Variants in RP1L1 observed in about 807,000 individuals in gnomAD.
The protein encoded by RP1L1 is retinitis pigmentosa 1-like 1 protein.
A neutral mutation model predicts 15.7 loss-of-function variants in RP1L1; 27 were observed. The ratio of observed to expected loss-of-function variants is 1.72; its 90% CI spans 1.27 to 2.38. RP1L1 has a LOEUF of 2.38. Ranked by LOEUF, RP1L1 falls within the 30% of genes most tolerant of loss-of-function variation. The probability of loss-of-function intolerance (pLI) is 0.00; values close to 1 mark genes in which losing one functional copy is unlikely to be tolerated. For missense variants in RP1L1, 4,798 were observed against 3,075.9 expected, an observed-to-expected ratio of 1.56 and a Z score of -13.24; for synonymous variants, 1,813 against 1,276.7, an observed-to-expected ratio of 1.42 and a Z score of -8.96.
chr8:10,623,043 A>G lies in RP1L1; in HGVS notation c.159T>C (p.Val53=), dbSNP rs372259414. 2.7e-5 allele frequency: 43 copies of G among 1,614,128 alleles called. No homozygotes were observed. The African/African-American group carries it at 4.3e-4, about 16-fold the overall frequency. Residue 53 remains valine (V), a synonymous_variant, in exon 2 of 4, where the codon GTT becomes GTC. Coordinates refer to ENST00000382483, the MANE Select transcript of RP1L1 (RefSeq NM_178857.6). The part of the protein sequence containing the change: ...DPRFAGVRLA[V]HQRAFKTFSA... ...TGAAGGTCTTAAAGGCGCGCTGGTG[A>G]ACGGCCAGGCGGACCCCAGCAAACC...
In RP1L1 at chr8:10,610,296, C is replaced by T. The variant is rs368855563; in HGVS notation, c.3802G>A (p.Ala1268Thr). ...GCTTCATCCTCATTGGTGGCACAAG[C>T]GCAGGCTCGGGCGTTCAAGAAGGTT... ...FPTFLNARAC[A>T]CATNEDEAER... The change falls in exon 4 of 4, where the codon GCT (alanine) becomes ACT (threonine). Residue 1268 changes from alanine to threonine, a missense_variant. Coordinates refer to ENST00000382483, the MANE Select transcript of RP1L1 (RefSeq NM_178857.6). The T allele has an allele frequency of 1.2e-5, 19 of 1,614,198 alleles. No individual in the cohort carries two copies. In the East Asian group the frequency reaches 1.8e-4, roughly 15 times the overall value.
At chr8:10,626,794 A>G (rs575427481) in intron 1 of RP1L1, among the ~76,000 whole-genome samples, 3 of 152,334 alleles carry the variant, frequency 2.0e-5, no homozygotes, top group African/African-American at 7.2e-5. Context: ...AATTGCTCAC[A>G]TTTCCACGAG....
At chr8:10,645,332 C>A (rs1798461164) in intron 1 of RP1L1, among the ~76,000 whole-genome samples, 2 of 152,164 alleles carry the variant, frequency 1.3e-5, no homozygotes, top group South Asian at 2.1e-4. Context: ...GTAACAAAAA[C>A]AAACAAATGA....
chr8:10,607,857 C>G lies in RP1L1; in HGVS notation c.6241G>C (p.Glu2081Gln). ...VQEAEGEAHP[E>Q]SEDVDAQEAE... Reference sequence around the variant, plus strand: ...TCCTGGGCATCTACATCTTCTGACTCTGGGTGGGCCTCCCCTTCTGCCTCC... The same window carrying G: ...TCCTGGGCATCTACATCTTCTGACTGTGGGTGGGCCTCCCCTTCTGCCTCC... The change falls in exon 4 of 4, where the codon GAG (glutamate) becomes CAG (glutamine). Residue 2081 changes from glutamate to glutamine, a missense_variant. Glu to Gln is a conservative substitution (Grantham distance 29). Coordinates refer to ENST00000382483, the MANE Select transcript of RP1L1 (RefSeq NM_178857.6). 6.3e-7 allele frequency: 1 copy of G among 1,585,360 alleles called. No individual in the cohort carries two copies. The highest frequency in any genetic ancestry group is 1.1e-5 in the South Asian group (1 of 89,836).
At chr8:10,628,225 A>C (rs1585986332) in intron 1 of RP1L1, among the ~76,000 whole-genome samples, 1 of 152,332 alleles carries the variant, frequency 6.6e-6, no homozygotes, top group South Asian at 2.1e-4. Context: ...CTGAGGTTAC[A>C]CTAGGAGTTT....
At chr8:10,614,563 A>C (rs1431727389) in intron 3 of RP1L1, among the ~76,000 whole-genome samples, 1 of 150,986 alleles carries the variant, frequency 6.6e-6, no homozygotes, top group East Asian at 2.0e-4. Context: ...CGGGAGGCTG[A>C]GGCACAAAAA....
intron 1 of RP1L1, among the ~76,000 whole-genome samples, chr8:10,647,606 C>G (rs951904535): frequency 9.3e-4 from 141 of 152,336 alleles, no homozygotes; most frequent in African/African-American, 3.3e-3. Flanking sequence ...CCTTTCGTGA[C>G]TGGCTTATTT....
intron 1 of RP1L1, among the ~76,000 whole-genome samples, chr8:10,635,657 T>C (rs1033500075): frequency 2.6e-5 from 4 of 152,256 alleles, no homozygotes; most frequent in Non-Finnish European, 5.9e-5. Context: ...TCTGCTCTTT[T>C]CTTTCCTTCC....
At chr8:10,624,076 A>G (rs1473990445) in intron 1 of RP1L1, among the ~76,000 whole-genome samples, 1 of 152,212 alleles carries the variant, frequency 6.6e-6, no homozygotes, top group Non-Finnish European at 1.5e-5. Flanking sequence ...CTTATCTTGC[A>G]GCCATGGGGA....
intron 1 of RP1L1, among the ~76,000 whole-genome samples, chr8:10,635,366 C>G (rs1234707612): frequency 6.6e-6 from 1 of 152,238 alleles, no homozygotes; most frequent in Non-Finnish European, 1.5e-5. Flanking sequence ...GTCTTCTTCA[C>G]CCTACCATGC....
chr8:10,632,711 A>T (rs1208744649), intron 1 of RP1L1, among the ~76,000 whole-genome samples: 2 of 152,242 alleles, frequency 1.3e-5, no homozygotes, highest in African/African-American at 4.8e-5. Flanking sequence ...ATTTGTTGAG[A>T]GACTGAATGA....
At chr8:10,651,446 G>A (rs546346701) in intron 1 of RP1L1, among the ~76,000 whole-genome samples, 11 of 152,194 alleles carry the variant, frequency 7.2e-5, no homozygotes, top group South Asian at 2.1e-4. Context: ...AGCTATGCTC[G>A]GGCCGGGCGC....
In RP1L1 at chr8:10,609,736, AG is replaced by A; in HGVS notation, c.4361del (p.Pro1454LeufsTer32). ...AEGTEEPTEP[P>X]SHLSETDPSA... ...TTGGGTCCGTCTCGCTGAGATGACTAGGGGGCTCTGTGGGTTCCTCTGTGCC... is the reference window on the plus strand; with the variant it reads ...TTGGGTCCGTCTCGCTGAGATGACTAGGGGCTCTGTGGGTTCCTCTGTGCC... On this transcript the variant is annotated frameshift_variant, in exon 4 of 4. Transcript: ENST00000382483. LOFTEE classifies it low-confidence loss of function (END_TRUNC). 2 of 1,612,862 alleles carry A rather than the reference AG, an allele frequency of 1.2e-6. No homozygotes were observed. Among genetic ancestry groups the A allele is most frequent in the South Asian group, 2.2e-5 (2 of 91,064 alleles).
chr8:10,608,937 T>TCCCA lies in RP1L1; in HGVS notation c.5160_5161insTGGG (p.Arg1721TrpfsTer8). On this transcript the variant is annotated frameshift_variant, in exon 4 of 4. Transcript: ENST00000382483. LOFTEE classifies it low-confidence loss of function (END_TRUNC). ...CCTCCCTCAGCTCCCTGGACAGTCCTAGTGCTCGTGGGGTCCGTGTGGGTC... is the reference window on the plus strand; with the variant it reads ...CCTCCCTCAGCTCCCTGGACAGTCCTCCCAAGTGCTCGTGGGGTCCGTGTGGGTC... 6.2e-7 allele frequency: 1 copy of TCCCA among 1,613,990 alleles called. No homozygotes were observed. The highest frequency in any genetic ancestry group is 8.5e-7 in the Non-Finnish European group (1 of 1,179,956).
rs267601690 is a variant in RP1L1 at position 10,611,718 on chromosome 8, C to A, written c.2380G>T (p.Glu794Ter). Reference sequence around the variant, plus strand: ...GGCTGAGGCGTGTCCCTGGCCTCTTCCCCCAGGCTGGCAGCCCCAGATTTT... The same window carrying A: ...GGCTGAGGCGTGTCCCTGGCCTCTTACCCCAGGCTGGCAGCCCCAGATTTT... The part of the protein sequence containing the change: ...CSKSGAASLG[E>*]EARDTPQPSS... Residue 794 changes from glutamate (E) to a stop codon, truncating the protein, a stop_gained, in exon 4 of 4, where the codon GAA (glutamate) becomes TAA (stop). Coordinates refer to ENST00000382483, the MANE Select transcript of RP1L1 (RefSeq NM_178857.6). LOFTEE classifies it low-confidence loss of function (END_TRUNC). 1 of 1,613,588 alleles carries A rather than the reference C, an allele frequency of 6.2e-7. No homozygotes were observed. Among genetic ancestry groups the A allele is most frequent in the South Asian group, 1.1e-5 (1 of 91,078 alleles).
Position 10,610,039 on chromosome 8 carries a change from CTCT to C in RP1L1, c.4056_4058del (p.Glu1353del), listed in dbSNP as rs754541306. 14 of 1,478,550 alleles carry C rather than the reference CTCT, an allele frequency of 9.5e-6. No homozygotes were observed. The highest frequency in any genetic ancestry group is 4.0e-5 in the Admixed American group (2 of 49,734). The allele number at this position is 1,478,550 out of a possible 1,614,324, so 91.6% of individuals were successfully genotyped here. ...TTTCTTCAATTTCCTCTAACTGCGC[CTCT>C]TCTTCTTGCTGTCCTTCTCCTTCTG... On this transcript the variant is annotated inframe_deletion, in exon 4 of 4. Coordinates refer to ENST00000382483, the MANE Select transcript of RP1L1 (RefSeq NM_178857.6).
At chr8:10,615,236 T>C (rs1365312824) in intron 3 of RP1L1, among the ~76,000 whole-genome samples, 1 of 152,228 alleles carries the variant, frequency 6.6e-6, no homozygotes, top group Admixed American at 6.5e-5. Context: ...TTTCTGAGCT[T>C]TTCACAAAGG....
rs1284227021 is a variant in RP1L1 at position 10,609,443 on chromosome 8, A to G, written c.4655T>C (p.Leu1552Pro). 1 of 1,612,376 alleles carries G rather than the reference A, an allele frequency of 6.2e-7. No individual in the cohort carries two copies. The highest frequency in any genetic ancestry group is 1.3e-5 in the African/African-American group (1 of 74,930). The change falls in exon 4 of 4, where the codon CTG (leucine) becomes CCG (proline). Residue 1552 changes from leucine (L) to proline (P), a missense_variant. Transcript: ENST00000382483. ...RARWGLQDND[L>P]LDQMAAELQQ... ...CAGCTCGGCCGCCATCTGGTCCAGC[A>G]GATCATTGTCCTGCAGGCCCCAGCG...
At chr8:10,622,527 A>T (rs1798076841) in intron 2 of RP1L1, 66 bp downstream of exon 2, 8 of 1,604,234 alleles carry the variant, frequency 5.0e-6, no homozygotes, top group Non-Finnish European at 6.8e-6. Context: ...TCTCTCTTCC[A>T]TGTGAGTATT....
Sources: allele counts gnomAD v4.1 joint callset (sites outside exome capture counted in the v4.1 genomes callset), GRCh38; gene constraint gnomAD v4.1.1; transcripts MANE v1.5; gene names NCBI Gene and HGNC (gene_info 2026-07-23, HGNC 2026-07-21).